PNMT: variants seen among roughly 807,000 people sequenced by gnomAD.
PNMT encodes noradrenaline N-methyltransferase.
PNMT carries 18 observed loss-of-function variants against 18.9 expected under a neutral mutation model. The observed-to-expected ratio is 0.95, with a 90% confidence interval of 0.66 to 1.41. The LOEUF is 1.41. Ranked by LOEUF, PNMT falls within the 40% of genes most tolerant of loss-of-function variation. PNMT has a pLI of 0.00. For missense variants in PNMT, 378 were observed against 387.0 expected, an observed-to-expected ratio of 0.98 and a Z score of 0.20; for synonymous variants, 167 against 168.6, an observed-to-expected ratio of 0.99 and a Z score of 0.08.
rs186492981 is a variant in PNMT at position 39,669,846 on chromosome 17, G to C, written c.410+10G>C. 94 of 1,609,792 alleles carry C rather than the reference G, an allele frequency of 5.8e-5. No homozygotes were observed. The African/African-American group carries it at 8.4e-4, about 14-fold the overall frequency. On this transcript the variant is annotated intron_variant, in intron 2 of 2. Coordinates refer to ENST00000269582, the MANE Select transcript of PNMT (RefSeq NM_002686.4). The stretch of plus-strand genomic sequence containing the variant: ...TCATTGAGGGCAAGGGGTAAGGACT[G>C]GGGGGTGAGGGTTGGGGAGGAGGCT...
At position 39,669,684 on chromosome 17, in the gene PNMT, G is replaced by A. The variant is rs1355681085; in HGVS notation, c.258G>A (p.Gln86=). ...TTGGTTCAGGCCCCACCGTGTACCA[G>A]CTGCTCAGTGCCTGCAGCCACTTTG... ...IDIGSGPTVY[Q]LLSACSHFED... is the part of the protein sequence containing the mutation. Residue 86 remains glutamine, a synonymous_variant, in exon 2 of 3, where the codon CAG becomes CAA. Coordinates refer to ENST00000269582, the MANE Select transcript of PNMT (RefSeq NM_002686.4). The A allele has an allele frequency of 9.9e-6, 16 of 1,614,022 alleles. No homozygotes were observed. In the African/African-American group the frequency reaches 2.0e-4, roughly 20 times the overall value.
intron 1 of PNMT, among the ~76,000 whole-genome samples, chr17:39,668,919 G>C (rs2057276138): frequency 1.3e-5 from 2 of 150,264 alleles, no homozygotes; most frequent in African/African-American, 4.9e-5. Context: ...GAGCTAAGGT[G>C]GGGGATGCAG....
chr17:39,668,809 C>G (rs1345696428), intron 1 of PNMT, 132 bp downstream of exon 1: 2 of 675,516 alleles, frequency 3.0e-6, no homozygotes, highest in East Asian at 2.9e-5. Context: ...CAAGAGATAG[C>G]TGAGAGGTGC....
In PNMT at chr17:39,670,269, G is replaced by A. The variant is rs2145084889; in HGVS notation, c.729G>A (p.Leu243=). The A allele has an allele frequency of 6.2e-7, 1 of 1,609,284 alleles. No individual in the cohort carries two copies. Among genetic ancestry groups the A allele is most frequent in the Non-Finnish European group, 8.5e-7 (1 of 1,178,506 alleles). ...CTGAGGAGGAGGTGAGGGAGGCCCT[G>A]GTGCGTAGTGGCTACAAGGTCCGGG... is the stretch of plus-strand genomic sequence containing the variant. The part of the protein sequence containing the change: ...PVSEEEVREA[L]VRSGYKVRDL... The change falls in exon 3 of 3, where the codon CTG becomes CTA. Residue 243 remains leucine, a synonymous_variant. Coordinates refer to ENST00000269582, the MANE Select transcript of PNMT (RefSeq NM_002686.4).
intron 1 of PNMT, among the ~76,000 whole-genome samples, chr17:39,669,058 A>AT (rs974496547): frequency 4.6e-5 from 7 of 151,540 alleles, no homozygotes; most frequent in Non-Finnish European, 1.0e-4. Context: ...TCTTTATTTT[A>AT]TTTTCATTTA....
chr17:39,669,952 G>A lies in PNMT; in HGVS notation c.412G>A (p.Glu138Lys). 6.3e-7 allele frequency: 1 copy of A among 1,599,100 alleles called. No individual in the cohort carries two copies. Among genetic ancestry groups the A allele is most frequent in the South Asian group, 1.1e-5 (1 of 90,210 alleles). Reference sequence around the variant, plus strand: ...CCCTGCCTTGTGCCTCCTGCACAGGGAATGCTGGCAGGATAAGGAGCGCCA... The same window carrying A: ...CCCTGCCTTGTGCCTCCTGCACAGGAAATGCTGGCAGGATAAGGAGCGCCA... Reference protein sequence around the residue: ...QHACLIEGKGECWQDKERQLR... With the variant: ...QHACLIEGKGKCWQDKERQLR... The change falls in exon 3 of 3, where the codon GAA becomes AAA. Residue 138 changes from glutamate (E) to lysine (K), a missense_variant and splice_region_variant. Glu to Lys is a moderately conservative substitution (Grantham distance 56, BLOSUM62 1). Coordinates refer to ENST00000269582, the MANE Select transcript of PNMT (RefSeq NM_002686.4).
chr17:39,668,774 C>A (rs974599525), intron 1 of PNMT, 97 bp downstream of exon 1: 14 of 974,592 alleles, frequency 1.4e-5, no homozygotes, highest in Non-Finnish European at 1.6e-5. Flanking sequence ...ACAGACCAGG[C>A]GCCTAACAGA....
intron 1 of PNMT, among the ~76,000 whole-genome samples, chr17:39,669,007 C>T (rs2057276534): frequency 6.6e-6 from 1 of 152,084 alleles, no homozygotes; most frequent in African/African-American, 2.4e-5. Flanking sequence ...AGGATTTCCT[C>T]GCTGAGCCTG....
rs1315613408 is a variant in PNMT at position 39,669,796 on chromosome 17, A to G, written c.370A>G (p.Ser124Gly). 6.2e-7 allele frequency: 1 copy of G among 1,613,738 alleles called. No individual in the cohort carries two copies. Among genetic ancestry groups the G allele is most frequent in the African/African-American group, 1.3e-5 (1 of 74,820 alleles). Residue 124 changes from serine to glycine, a missense_variant, in exon 2 of 3, where the codon AGC becomes GGC. Transcript: ENST00000269582. ...GGAGGAGCCGGGGGCCTTCAACTGG[A>G]GCATGTACAGCCAACATGCCTGCCT... ...LQEEPGAFNW[S>G]MYSQHACLIE...
intron 1 of PNMT, 54 bp from the exon 2 acceptor site, chr17:39,669,575 C>T (rs1597807803): frequency 1.5e-6 from 2 of 1,346,988 alleles, no homozygotes; most frequent in South Asian, 2.3e-5. Context: ...GGTAAGGAGG[C>T]AGGGGCTGCC....
In PNMT at chr17:39,669,934, T is replaced by G; in HGVS notation, c.411-17T>G. On this transcript the variant is annotated splice_polypyrimidine_tract_variant and intron_variant, in intron 2 of 2. Coordinates refer to ENST00000269582, the MANE Select transcript of PNMT (RefSeq NM_002686.4). ...GCGTAGAACAGCCTTGAGCCCTGCC[T>G]TGTGCCTCCTGCACAGGGAATGCTG... 1 of 1,594,818 alleles carries G rather than the reference T, an allele frequency of 6.3e-7. No individual in the cohort carries two copies.
chr17:39,668,516 C>A lies in PNMT; in HGVS notation c.41C>A (p.Pro14His). Residue 14 changes from proline (P) to histidine (H), a missense_variant, in exon 1 of 3, where the codon CCT (proline) becomes CAT (histidine). Pro to His is a moderately conservative substitution (Grantham distance 77, BLOSUM62 -2). Transcript: ENST00000269582. ...CGTAGCCCCAATGCGGGCGCAGCCC[C>A]TGACTCGGCCCCGGGCCAGGCGGCG... is the stretch of plus-strand genomic sequence containing the variant. The part of the protein sequence containing the change: ...ADRSPNAGAA[P>H]DSAPGQAAVA... The A allele has an allele frequency of 1.3e-6, 2 of 1,536,548 alleles. No individual in the cohort carries two copies. Among genetic ancestry groups the A allele is most frequent in the Non-Finnish European group, 1.7e-6 (2 of 1,147,246 alleles).
In PNMT at chr17:39,670,161, T is replaced by TG. The variant is rs771451039; in HGVS notation, c.627dup (p.His210AlafsTer27). 1.9e-6 allele frequency: 3 copies of TG among 1,612,018 alleles called. No individual in the cohort carries two copies. Among genetic ancestry groups the TG allele is most frequent in the Non-Finnish European group, 8.5e-7 (1 of 1,179,870 alleles). On this transcript the variant is annotated frameshift_variant, in exon 3 of 3. Coordinates refer to ENST00000269582, the MANE Select transcript of PNMT (RefSeq NM_002686.4). LOFTEE classifies it high-confidence loss of function. ...ACCACATCACCACGCTGCTGAGGCCTGGGGGGCACCTCCTCCTCATCGGGG... is the reference window on the plus strand; with the variant it reads ...ACCACATCACCACGCTGCTGAGGCCTGGGGGGGCACCTCCTCCTCATCGGGG...
intron 1 of PNMT, among the ~76,000 whole-genome samples, chr17:39,669,414 T>A (rs1365753126): frequency 2.6e-5 from 4 of 151,980 alleles, no homozygotes; most frequent in African/African-American, 9.7e-5. Context: ...GAAACCTGAG[T>A]CTCAGAGCGG....
In PNMT at chr17:39,668,467, G is replaced by A. The variant is rs1405444607; in HGVS notation, c.-9G>A. 3 of 1,401,130 alleles carry A rather than the reference G, an allele frequency of 2.1e-6. No homozygotes were observed. The highest frequency in any genetic ancestry group is 1.8e-6 in the Non-Finnish European group (2 of 1,083,244). 86.8% of individuals were successfully genotyped at this position (1,401,130 alleles called of 1,614,324 possible). ...GCGAGCGGGGCACTGGGCGGACCGCGGCGGCAGCATGAGCGGCGCAGACCG... is the reference window on the plus strand; with the variant it reads ...GCGAGCGGGGCACTGGGCGGACCGCAGCGGCAGCATGAGCGGCGCAGACCG... On this transcript the variant is annotated 5_prime_UTR_variant, in exon 1 of 3. Coordinates refer to ENST00000269582, the MANE Select transcript of PNMT (RefSeq NM_002686.4).
At position 39,668,648 on chromosome 17, in the gene PNMT, T is replaced by TG; in HGVS notation, c.174dup (p.Arg59AlafsTer11). 1 of 1,597,774 alleles carries TG rather than the reference T, an allele frequency of 6.3e-7. No homozygotes were observed. The highest frequency in any genetic ancestry group is 8.5e-7 in the Non-Finnish European group (1 of 1,173,096). ...CCGAACGGCGTCGGGCCGTGGAAGC[T>TG]GCGCTGCTTGGCGCAGACCTTCGCC... On this transcript the variant is annotated frameshift_variant, in exon 1 of 3. Coordinates refer to ENST00000269582, the MANE Select transcript of PNMT (RefSeq NM_002686.4). LOFTEE classifies it high-confidence loss of function.
rs1398834896 is a variant in PNMT, at chr17:39,670,407, C to T, written c.*18C>T. 2 of 1,535,710 alleles carry T rather than the reference C, an allele frequency of 1.3e-6. No individual in the cohort carries two copies. Among genetic ancestry groups the T allele is most frequent in the African/African-American group, 1.4e-5 (1 of 73,214 alleles). Reference sequence around the variant, plus strand: ...GGCTGTGAGGGCTGTACCTGGTGCCCTGTGGCCCCCACCCACCTGGATTCC... The same window carrying T: ...GGCTGTGAGGGCTGTACCTGGTGCCTTGTGGCCCCCACCCACCTGGATTCC... On this transcript the variant is annotated 3_prime_UTR_variant, in exon 3 of 3. Transcript: ENST00000269582.
intron 1 of PNMT, among the ~76,000 whole-genome samples, chr17:39,669,189 T>G (rs556495330): frequency 6.6e-6 from 1 of 152,260 alleles, no homozygotes; most frequent in East Asian, 1.9e-4. Flanking sequence ...CAAGCGATTC[T>G]CTTGCCTCAG....
In PNMT at chr17:39,668,469, C is replaced by G; in HGVS notation, c.-7C>G. ...GAGCGGGGCACTGGGCGGACCGCGG[C>G]GGCAGCATGAGCGGCGCAGACCGTA... On this transcript the variant is annotated 5_prime_UTR_variant, in exon 1 of 3. Coordinates refer to ENST00000269582, the MANE Select transcript of PNMT (RefSeq NM_002686.4). The G allele has an allele frequency of 1.4e-6, 2 of 1,403,202 alleles. No individual in the cohort carries two copies. Among genetic ancestry groups the G allele is most frequent in the Non-Finnish European group, 1.8e-6 (2 of 1,084,270 alleles). The allele number at this position is 1,403,202 out of a possible 1,614,324, so 86.9% of individuals were successfully genotyped here. A position where few individuals can be genotyped will look rare whatever the true frequency, so the allele number is the denominator to read the frequency against.
Sources: gnomAD v4.1 joint callset for allele counts (sites outside exome capture counted in the v4.1 genomes callset) on GRCh38, gnomAD v4.1.1 for gene constraint, MANE v1.5 for transcripts, NCBI Gene and HGNC (gene_info 2026-07-23, HGNC 2026-07-21) for gene names.